The following VGLL4 variants were observed in gnomAD, a reference collection of about 807,000 sequenced individuals.
The protein encoded by VGLL4 is vestigial like family member 4.
VGLL4 carries 7 observed loss-of-function variants against 21.0 expected under a neutral mutation model. That is an observed-to-expected ratio of 0.33 (90% confidence interval 0.19 to 0.63). The LOEUF (loss-of-function observed/expected upper bound fraction) is 0.63, where lower values mean the gene tolerates loss of function less well. Among genes scored for constraint, VGLL4 ranks in the 20% least tolerant of loss-of-function variants. VGLL4 has a pLI of 0.78. For missense variants in VGLL4, 394 were observed against 425.7 expected, an observed-to-expected ratio of 0.93 and a Z score of 0.66; for synonymous variants, 222 against 173.2, an observed-to-expected ratio of 1.28 and a Z score of -2.21.
intron 3 of VGLL4, among the ~76,000 whole-genome samples, chr3:11,559,934 G>T (rs986693035): frequency 2.6e-5 from 4 of 152,130 alleles, no homozygotes; most frequent in African/African-American, 7.2e-5. Context: ...AGCTCGAGTT[G>T]GCCTCAGTGA....
At chr3:11,701,697 A>T (rs1414760597) in intron 2 of VGLL4, among the ~76,000 whole-genome samples, 1 of 152,234 alleles carries the variant, frequency 6.6e-6, no homozygotes, top group Non-Finnish European at 1.5e-5. Flanking sequence ...CAGCCAGTAG[A>T]GAGGTAGACC....
intron 2 of VGLL4, among the ~76,000 whole-genome samples, chr3:11,656,735 T>C (rs1236698018): frequency 6.6e-6 from 1 of 152,162 alleles, no homozygotes; most frequent in South Asian, 2.1e-4. Flanking sequence ...CAAAGCTCCA[T>C]ACCATGTGAG....
intron 1 of VGLL4, among the ~76,000 whole-genome samples, chr3:11,613,409 G>A (rs919524968): frequency 1.3e-5 from 2 of 152,158 alleles, no homozygotes; most frequent in African/African-American, 4.8e-5. Flanking sequence ...CAAGTGCAGA[G>A]AGAGAACAGA....
chr3:11,570,817 CG>C (rs1647432746), intron 2 of VGLL4, among the ~76,000 whole-genome samples: 1 of 152,164 alleles, frequency 6.6e-6, no homozygotes, highest in South Asian at 2.1e-4. Flanking sequence ...TAAATGTCCC[CG>C]AGCTCATCCA....
At chr3:11,634,336 C>T (rs6769094) in intron 1 of VGLL4, among the ~76,000 whole-genome samples, 42,813 of 151,786 alleles carry the variant, frequency 0.28, 6,350 homozygotes, top group South Asian at 0.49. Context: ...CTCCCTCATC[C>T]GCTGTTCAAT....
At chr3:11,629,126 T>A (rs1396321066) in intron 1 of VGLL4, among the ~76,000 whole-genome samples, 1 of 152,168 alleles carries the variant, frequency 6.6e-6, no homozygotes, top group Non-Finnish European at 1.5e-5. Flanking sequence ...TGAAATAAAA[T>A]TCAGAATATA....
intron 2 of VGLL4, among the ~76,000 whole-genome samples, chr3:11,665,101 CTTTTTTTTTT>C (rs59999510): frequency 8.3e-5 from 8 of 96,950 alleles, no homozygotes; most frequent in South Asian, 3.2e-4. Context: ...GAATATTTTT[CTTTTTTTTTT>C]TTTTTTTTTT....
At chr3:11,631,822 A>G (rs2075484074) in intron 1 of VGLL4, among the ~76,000 whole-genome samples, 1 of 152,222 alleles carries the variant, frequency 6.6e-6, no homozygotes, top group Non-Finnish European at 1.5e-5. Context: ...AACAAGTGGA[A>G]AATCCCAGTC....
chr3:11,704,323 C>T (rs1205993335), intron 1 of VGLL4, among the ~76,000 whole-genome samples: 1 of 130,476 alleles, frequency 7.7e-6, no homozygotes, highest in Non-Finnish European at 1.6e-5. Flanking sequence ...GCAGAGGTTG[C>T]GGTGAGCCGA....
chr3:11,638,554 ACC>A (rs2075631017), intron 1 of VGLL4, among the ~76,000 whole-genome samples: 1 of 151,230 alleles, frequency 6.6e-6, no homozygotes, highest in Admixed American at 6.6e-5. Context: ...TTCCTCCCTA[ACC>A]CCCACTGGCC....
chr3:11,661,671 C>T lies in VGLL4; in HGVS notation c.64+41300G>A, dbSNP rs144772002. The stretch of plus-strand genomic sequence containing the variant: ...GTTTTTAGTAGAGATGGGGTTTTGC[C>T]GTGTTGGCCATGCTGGTCTCCAATC... On this transcript the variant is annotated intron_variant, in intron 2 of 5. Coordinates refer to the VGLL4 transcript ENST00000273038. 8.5e-3 allele frequency among the ~76,000 whole-genome samples: 1,293 copies of T among 152,038 alleles called. 14 individuals carry two copies. The highest frequency in any genetic ancestry group is 0.026 in the African/African-American group (1,065 of 41,456).
chr3:11,670,550 C>G (rs1310693819), intron 2 of VGLL4, among the ~76,000 whole-genome samples: 1 of 152,156 alleles, frequency 6.6e-6, no homozygotes, highest in Non-Finnish European at 1.5e-5. Context: ...ACATTCCTAT[C>G]CTAAATATGC....
Position 11,558,681 on chromosome 3 carries a change from G to A in VGLL4, c.766C>T (p.Leu256Phe). 1.2e-6 allele frequency: 2 copies of A among 1,613,790 alleles called. No homozygotes were observed. Among genetic ancestry groups the A allele is most frequent in the South Asian group, 1.1e-5 (1 of 91,078 alleles). ...HFAKALGDTW[L>F]QIKAAKDGAS... is the part of the protein sequence containing the mutation. Reference sequence around the variant, plus strand: ...CCGTCCTTGGCCGCTTTGATCTGGAGCCACGTGTCACCCAGAGCTTTGGCA... The same window carrying A: ...CCGTCCTTGGCCGCTTTGATCTGGAACCACGTGTCACCCAGAGCTTTGGCA... The change falls in exon 5 of 5, where the codon CTC becomes TTC. Residue 256 changes from leucine (L) to phenylalanine (F), a missense_variant. Physicochemically the swap from Leu to Phe is conservative, Grantham distance 22. Transcript: ENST00000430365.
chr3:11,610,407 C>G (rs985559060), intron 1 of VGLL4: 6 of 152,194 alleles, frequency 3.9e-5, no homozygotes, highest in Non-Finnish European at 8.8e-5. Flanking sequence ...CAATGCGAGC[C>G]GGCAGATAAA....
At chr3:11,580,999 G>A (rs2074207393) in intron 2 of VGLL4, among the ~76,000 whole-genome samples, 1 of 151,258 alleles carries the variant, frequency 6.6e-6, no homozygotes, top group African/African-American at 2.4e-5. Context: ...TAACATTGGT[G>A]TACAGTGTTA....
intron 3 of VGLL4, among the ~76,000 whole-genome samples, chr3:11,561,654 C>T (rs1294168215): frequency 2.0e-5 from 3 of 152,068 alleles, no homozygotes; most frequent in Non-Finnish European, 4.4e-5. Flanking sequence ...TTTATGGGAT[C>T]CCGAGGCTCC....
chr3:11,627,238 T>TGTCTCTCTCTCTCTCC (rs1553733441), intron 1 of VGLL4: 1 of 144,512 alleles, frequency 6.9e-6, no homozygotes, highest in African/African-American at 2.6e-5. Context: ...ACACTCTCTC[T>TGTCTCTCTCTCTCTCC]CTCTCTCTCT....
intron 2 of VGLL4, among the ~76,000 whole-genome samples, chr3:11,571,561 T>C (rs2073778661): frequency 6.6e-6 from 1 of 151,610 alleles, no homozygotes; most frequent in Non-Finnish European, 1.5e-5. Context: ...GCGCCTGTAA[T>C]CCCAGCTACT....
Position 11,643,570 on chromosome 3 carries a change from AAG to A in VGLL4, c.-54_-53del. ...TCTTTGCTTTTGCCCCAAAAGAGTT[AAG>A]TTTCAAAAATCAATTGTTGCTGAGT... is the stretch of plus-strand genomic sequence containing the variant. On this transcript the variant is annotated 5_prime_UTR_variant, in exon 1 of 5. Transcript: ENST00000430365. 1 of 1,612,134 alleles carries A rather than the reference AAG, an allele frequency of 6.2e-7. No homozygotes were observed. The highest frequency in any genetic ancestry group is 2.2e-5 in the East Asian group (1 of 44,850).
Sources: gnomAD v4.1 joint callset for allele counts (sites outside exome capture counted in the v4.1 genomes callset) on GRCh38, gnomAD v4.1.1 for gene constraint, MANE v1.5 for transcripts, NCBI Gene and HGNC (gene_info 2026-07-23, HGNC 2026-07-21) for gene names.